The following CIMAP1D variants were observed in gnomAD, a reference collection of about 807,000 sequenced individuals.
CIMAP1D encodes the protein protein CIMAP1D.
chr19:467,511 G>T, the CIMAP1D span: 1 of 704,604 alleles, frequency 1.4e-6, no homozygotes, highest in Non-Finnish European at 2.6e-6. Context: ...CCTCCTCCGT[G>T]TCCCTTGGAT....
At chr19:485,703 G>A in the CIMAP1D span, among the ~76,000 whole-genome samples, 18 of 152,266 alleles carry the variant, frequency 1.2e-4, no homozygotes, top group South Asian at 1.2e-3. Flanking sequence ...CACATCCTCC[G>A]GCTGCAGATG....
chr19:465,072 TGGG>T, the CIMAP1D span, among the ~76,000 whole-genome samples: 1 of 134,938 alleles, frequency 7.4e-6, no homozygotes. Flanking sequence ...GATGGATGGG[TGGG>T]TGGAAGGATG....
the CIMAP1D span, among the ~76,000 whole-genome samples, chr19:484,842 G>A: frequency 1.3e-5 from 2 of 152,200 alleles, no homozygotes; most frequent in African/African-American, 2.4e-5. Flanking sequence ...CCTGAGCAGG[G>A]TGGGAGCCAC....
chr19:474,446 G>T, the CIMAP1D span, among the ~76,000 whole-genome samples: 1 of 151,940 alleles, frequency 6.6e-6, no homozygotes, highest in African/African-American at 2.4e-5. Flanking sequence ...CGGGGCTCAC[G>T]GCAACCCCGT....
chr19:482,556 G>A, the CIMAP1D span, among the ~76,000 whole-genome samples: 3 of 152,084 alleles, frequency 2.0e-5, no homozygotes. Flanking sequence ...CTGCCTTAGT[G>A]GATGGGCACT....
At chr19:478,025 G>C in the CIMAP1D span, among the ~76,000 whole-genome samples, 2 of 152,156 alleles carry the variant, frequency 1.3e-5, no homozygotes, top group African/African-American at 4.8e-5. Flanking sequence ...CCCCTTCCTC[G>C]GTCACGAGGG....
At chr19:464,075 GT>G in the CIMAP1D span, 1 of 1,561,402 alleles carries the variant, frequency 6.4e-7, no homozygotes, top group Non-Finnish European at 8.6e-7. Flanking sequence ...GGCGGTAGGT[GT>G]TTGCGTCCGG....
At chr19:469,919 G>A in the CIMAP1D span, among the ~76,000 whole-genome samples, 1 of 152,140 alleles carries the variant, frequency 6.6e-6, no homozygotes, top group East Asian at 1.9e-4. Context: ...AGTGCCCCGT[G>A]AGAAATGAAC....
chr19:479,530 G>A, the CIMAP1D span, among the ~76,000 whole-genome samples: 10 of 150,776 alleles, frequency 6.6e-5, no homozygotes, highest in Middle Eastern at 3.4e-3. Context: ...TCAGCCTCTC[G>A]CGTAGCTGGG....
At chr19:482,362 T>C in the CIMAP1D span, among the ~76,000 whole-genome samples, 1 of 152,126 alleles carries the variant, frequency 6.6e-6, no homozygotes, top group South Asian at 2.1e-4. Context: ...CTAGGACTGA[T>C]CCCTTGGGCC....
At chr19:476,857 T>C in the CIMAP1D span, among the ~76,000 whole-genome samples, 1 of 152,152 alleles carries the variant, frequency 6.6e-6, no homozygotes, top group African/African-American at 2.4e-5. Context: ...TATTAAACTG[T>C]GTAGGATGCA....
At chr19:463,545 C>A in the CIMAP1D span, 1 of 466,340 alleles carries the variant, frequency 2.1e-6, no homozygotes, top group Non-Finnish European at 3.8e-6. Flanking sequence ...CCATCTCCAG[C>A]CAGCTACTGG....
At chr19:466,902 G>GGTGGATGGATGA in the CIMAP1D span, among the ~76,000 whole-genome samples, 1 of 124,488 alleles carries the variant, frequency 8.0e-6, no homozygotes, top group Non-Finnish European at 1.7e-5. Context: ...CTGGGTGGAG[G>GGTGGATGGATGA]GTGGATGGAC....
the CIMAP1D span, among the ~76,000 whole-genome samples, chr19:470,135 C>T: frequency 0.016 from 2,490 of 152,174 alleles, 34 homozygotes; most frequent in Middle Eastern, 0.037. Flanking sequence ...CACGCTGTCT[C>T]GGGCCCAGGA....
the CIMAP1D span, among the ~76,000 whole-genome samples, chr19:478,535 C>T: frequency 6.6e-6 from 1 of 152,394 alleles, no homozygotes; most frequent in Admixed American, 6.5e-5. Flanking sequence ...CACCAGTCCC[C>T]TTCTGATCTG....
At chr19:478,022 C>CT in the CIMAP1D span, among the ~76,000 whole-genome samples, 1 of 152,246 alleles carries the variant, frequency 6.6e-6, no homozygotes, top group African/African-American at 2.4e-5. Flanking sequence ...TGGCCCCTTC[C>CT]TCGGTCACGA....
chr19:468,490 G>A, the CIMAP1D span, among the ~76,000 whole-genome samples: 2 of 152,230 alleles, frequency 1.3e-5, no homozygotes, highest in African/African-American at 2.4e-5. Context: ...TTCAAATCCA[G>A]CAGGGCCTCT....
chr19:464,518 G>A, the CIMAP1D span, among the ~76,000 whole-genome samples: 1 of 152,136 alleles, frequency 6.6e-6, no homozygotes, highest in Non-Finnish European at 1.5e-5. Context: ...CATACACATG[G>A]TCTGTGTTTC....
At chr19:483,541 C>G in the CIMAP1D span, among the ~76,000 whole-genome samples, 2 of 152,194 alleles carry the variant, frequency 1.3e-5, no homozygotes, top group Admixed American at 1.3e-4. Context: ...GTTCCCAACC[C>G]AGGTGATTGC....
Sources: gnomAD v4.1 joint callset for allele counts (sites outside exome capture counted in the v4.1 genomes callset) on GRCh38, gnomAD v4.1.1 for gene constraint, MANE v1.5 for transcripts, NCBI Gene and HGNC (gene_info 2026-07-23, HGNC 2026-07-21) for gene names.